The following ZBBX variants were observed in gnomAD, a reference collection of about 807,000 sequenced individuals.
ZBBX encodes the protein zinc finger B-box domain-containing protein 1.
A neutral mutation model predicts 108.5 loss-of-function variants in ZBBX; 101 were observed. That is an observed-to-expected ratio of 0.93 (90% CI 0.79 to 1.10). The LOEUF is 1.10. ZBBX is among the 50% of genes least tolerant of loss of function. The pLI is 0.00. For synonymous variants in ZBBX, 356 were observed against 323.4 expected, an observed-to-expected ratio of 1.10 and a Z score of -1.08; for missense variants, 1,009 against 941.4, an observed-to-expected ratio of 1.07 and a Z score of -0.94.
rs184147905 is a variant in ZBBX, at chr3:167,396,078, T to C, written c.-446+11648A>G. ...GAATTCATTGTTTTCCTGGCAAAAT[T>C]TCTCCTTACTAGTGCTCAATCTAAT... On this transcript the variant is annotated intron_variant, in intron 1 of 21. Transcript: ENST00000455345. Among the ~76,000 whole-genome samples the C allele has an allele frequency of 2.3e-3, 350 of 152,106 alleles. 4 individuals carry two copies. The highest frequency in any genetic ancestry group is 0.019 in the Admixed American group (287 of 15,248).
chr3:167,239,473 A>G (rs938928824), downstream of ZBBX, among the ~76,000 whole-genome samples: 1 of 152,028 alleles, frequency 6.6e-6, no homozygotes, highest in African/African-American at 2.4e-5. Flanking sequence ...GCTCAATATG[A>G]AGACAATGGT....
At chr3:167,241,016 G>T (rs950987930) in intron 21 of ZBBX, 97 bp from the exon 22 acceptor site, 2 of 1,403,192 alleles carry the variant, frequency 1.4e-6, no homozygotes, top group Non-Finnish European at 1.9e-6. Context: ...GGAGTTGCTG[G>T]AGGCAAGCAG....
At chr3:167,310,329 G>C (rs1734365049) in intron 16 of ZBBX, among the ~76,000 whole-genome samples, 1 of 152,118 alleles carries the variant, frequency 6.6e-6, no homozygotes, top group Admixed American at 6.6e-5. Context: ...CCTCCAAACT[G>C]TTCTAACCTC....
At chr3:167,246,678 C>T (rs1018150082) in intron 20 of ZBBX, among the ~76,000 whole-genome samples, 5 of 152,144 alleles carry the variant, frequency 3.3e-5, no homozygotes, top group South Asian at 2.1e-4. Flanking sequence ...GAAGTAAATG[C>T]TTTAAAGTGC....
chr3:167,371,111 G>A (rs932048659), intron 4 of ZBBX, among the ~76,000 whole-genome samples: 3 of 152,096 alleles, frequency 2.0e-5, no homozygotes, highest in Non-Finnish European at 2.9e-5. Context: ...ACTGTGAGTG[G>A]GTATTCCTGT....
intron 3 of ZBBX, among the ~76,000 whole-genome samples, chr3:167,373,427 A>C (rs1746467564): frequency 6.6e-6 from 1 of 152,184 alleles, no homozygotes; most frequent in African/African-American, 2.4e-5. Context: ...GAAATGTAAC[A>C]CGTCTGATGG....
intron 20 of ZBBX, among the ~76,000 whole-genome samples, chr3:167,261,288 A>G (rs946900266): frequency 1.3e-5 from 2 of 152,006 alleles, no homozygotes; most frequent in African/African-American, 2.4e-5. Context: ...TTAATGCTCT[A>G]TTTTTGTACT....
At chr3:167,204,659 G>C in the ZBBX span, among the ~76,000 whole-genome samples, 1 of 149,760 alleles carries the variant, frequency 6.7e-6, no homozygotes, top group Admixed American at 6.7e-5. Context: ...CATTTGGGTT[G>C]GTTCCAAGTC....
At chr3:167,377,261 G>A (rs536139600) in intron 2 of ZBBX, among the ~76,000 whole-genome samples, 2 of 152,224 alleles carry the variant, frequency 1.3e-5, no homozygotes, top group South Asian at 4.1e-4. Flanking sequence ...AACAAGGAAC[G>A]TACAATGCTC....
Position 167,313,978 on chromosome 3 carries a change from T to C in ZBBX, c.1413A>G (p.Ser471=), listed in dbSNP as rs1735023774. 1.3e-6 allele frequency: 2 copies of C among 1,575,836 alleles called. No homozygotes were observed. The highest frequency in any genetic ancestry group is 3.8e-5 in the Admixed American group (2 of 53,068). The part of the protein sequence containing the change: ...RNSSTYYKDN[S]KAETSNTDFD... ...CAGCAACAAGAAAAATGTTACCTTT[T>C]GAATTATCTTTATAATAAGTAGAGC... The change falls in exon 16 of 22, where the codon TCA becomes TCG. Residue 471 remains serine (S), a synonymous_variant. Coordinates refer to ENST00000675490, the MANE Select transcript of ZBBX (RefSeq NM_001199201.2).
At chr3:167,213,167 T>C in the ZBBX span, among the ~76,000 whole-genome samples, 1 of 152,120 alleles carries the variant, frequency 6.6e-6, no homozygotes, top group Non-Finnish European at 1.5e-5. Flanking sequence ...CACAAGTTTT[T>C]CAACAATGGT....
downstream of ZBBX, among the ~76,000 whole-genome samples, chr3:167,236,878 A>T (rs2108295645): frequency 6.6e-6 from 1 of 151,940 alleles, no homozygotes; most frequent in Non-Finnish European, 1.5e-5. Context: ...AAAAGGCAGG[A>T]TGCAACGAGA....
chr3:167,214,448 A>G, the ZBBX span, among the ~76,000 whole-genome samples: 2 of 152,208 alleles, frequency 1.3e-5, no homozygotes, highest in Non-Finnish European at 2.9e-5. Context: ...AACTAATTTA[A>G]ATACATATGC....
chr3:167,334,689 T>C (rs531276626), intron 9 of ZBBX, among the ~76,000 whole-genome samples: 24 of 152,162 alleles, frequency 1.6e-4, no homozygotes, highest in African/African-American at 5.5e-4. Context: ...TGTGTATAAG[T>C]CTAATGACTC....
chr3:167,401,837 G>A (rs148994355), intron 1 of ZBBX, among the ~76,000 whole-genome samples: 2 of 152,262 alleles, frequency 1.3e-5, no homozygotes, highest in East Asian at 1.9e-4. Context: ...TGTTCTAGAC[G>A]GAGTTGCTCT....
chr3:167,344,184 A>G (rs991395496), intron 9 of ZBBX, among the ~76,000 whole-genome samples: 4 of 151,794 alleles, frequency 2.6e-5, no homozygotes, highest in Non-Finnish European at 5.9e-5. Context: ...AGAGAGAGAG[A>G]AAGGAGTATT....
At chr3:167,366,145 AT>A (rs1435334760) in intron 5 of ZBBX, among the ~76,000 whole-genome samples, 169 bp from the exon 6 acceptor site, 1 of 151,892 alleles carries the variant, frequency 6.6e-6, no homozygotes, top group African/African-American at 2.4e-5. Context: ...ATCCTCAGTA[AT>A]TTTAAAATGT....
intron 19 of ZBBX, among the ~76,000 whole-genome samples, chr3:167,288,133 A>G (rs1730040675): frequency 6.6e-6 from 1 of 152,104 alleles, no homozygotes. Context: ...TATATGCTGA[A>G]TTACCTGAAT....
the ZBBX span, among the ~76,000 whole-genome samples, chr3:167,185,406 G>A: frequency 6.6e-6 from 1 of 152,018 alleles, no homozygotes; most frequent in African/African-American, 2.4e-5. Flanking sequence ...AATAGGAATG[G>A]AACTTTTGTG....
Sources: allele counts gnomAD v4.1 joint callset (sites outside exome capture counted in the v4.1 genomes callset), GRCh38; gene constraint gnomAD v4.1.1; transcripts MANE v1.5; gene names NCBI Gene and HGNC (gene_info 2026-07-23, HGNC 2026-07-21).